Variants in VPS13B observed in about 807,000 individuals in gnomAD.
The protein encoded by VPS13B is intermembrane lipid transfer protein VPS13B.
VPS13B carries 285 observed loss-of-function variants against 426.4 expected under a neutral mutation model. The observed-to-expected ratio is 0.67, with a 90% CI of 0.61 to 0.74. The LOEUF is 0.74. VPS13B is among the 30% of genes least tolerant of loss of function. VPS13B has a pLI of 0.00. For synonymous variants in VPS13B, 1,676 were observed against 1,676.4 expected (o/e 1.00, Z 0.01); for missense variants, 4,537 against 4,782.6 (o/e 0.95, Z 1.51).
chr8:99,044,907 C>T (rs575256258), intron 3 of VPS13B, among the ~76,000 whole-genome samples: 240 of 151,454 alleles, frequency 1.6e-3, no homozygotes, highest in African/African-American at 5.6e-3. Context: ...CACCACCCCC[C>T]GCCCCCACGG....
At chr8:99,430,899 G>C (rs1378583946) in intron 21 of VPS13B, among the ~76,000 whole-genome samples, 1 of 152,078 alleles carries the variant, frequency 6.6e-6, no homozygotes, top group Non-Finnish European at 1.5e-5. Context: ...TGTAGTTTTA[G>C]TAGAGACGGG....
At chr8:99,839,745 G>A (rs1337839212) in intron 54 of VPS13B, among the ~76,000 whole-genome samples, 1 of 152,166 alleles carries the variant, frequency 6.6e-6, no homozygotes, top group Non-Finnish European at 1.5e-5. Context: ...TCTGATCTCC[G>A]CATTCACCTA....
chr8:99,421,803 G>A (rs778903264), intron 21 of VPS13B, among the ~76,000 whole-genome samples: 4 of 151,776 alleles, frequency 2.6e-5, no homozygotes, highest in Non-Finnish European at 5.9e-5. Context: ...TCAGCCTCCC[G>A]AGCAACTGGG....
intron 3 of VPS13B, among the ~76,000 whole-genome samples, chr8:99,050,839 G>T (rs1012927316): frequency 2.6e-5 from 4 of 152,208 alleles, no homozygotes; most frequent in African/African-American, 4.8e-5. Context: ...CTTCTTTTGA[G>T]AAGTGTCTGT....
intron 33 of VPS13B, among the ~76,000 whole-genome samples, chr8:99,640,077 A>AAAAG (rs1829286512): frequency 6.7e-6 from 1 of 149,074 alleles, no homozygotes; most frequent in Non-Finnish European, 1.5e-5. Flanking sequence ...AAAAGAAAAG[A>AAAAG]AAAGAAAAGA....
intron 3 of VPS13B, among the ~76,000 whole-genome samples, chr8:99,044,850 T>TTA (rs1843138667): frequency 5.1e-5 from 5 of 97,556 alleles, no homozygotes; most frequent in Non-Finnish European, 8.1e-5. Context: ...GTATTCCATT[T>TTA]TATACACACA....
At chr8:99,865,326 C>T (rs1321635104) in intron 58 of VPS13B, among the ~76,000 whole-genome samples, 2 of 152,224 alleles carry the variant, frequency 1.3e-5, no homozygotes, top group Non-Finnish European at 2.9e-5. Context: ...GATGCCTTCT[C>T]ATGAACACCA....
Position 99,853,885 on chromosome 8 carries a change from T to G in VPS13B, c.10496T>G (p.Phe3499Cys). Residue 3499 changes from phenylalanine to cysteine, a missense_variant, in exon 56 of 62, where the codon TTT becomes TGT. Phe to Cys is a radical substitution (Grantham distance 205). Coordinates refer to ENST00000357162, the MANE Select transcript of VPS13B (RefSeq NM_152564.5). ...CTCTGTGATATTAATGAGTTCAGCT[T>G]TGAATTAAAACCTGCTCGGTTATAC... ...SILCDINEFS[F>C]ELKPARLYVE... 6.2e-7 allele frequency: 1 copy of G among 1,614,214 alleles called. No individual in the cohort carries two copies. The highest frequency in any genetic ancestry group is 8.5e-7 in the Non-Finnish European group (1 of 1,180,038).
chr8:99,510,819 A>G (rs891527816), intron 28 of VPS13B, among the ~76,000 whole-genome samples: 3 of 152,050 alleles, frequency 2.0e-5, no homozygotes, highest in African/African-American at 4.8e-5. Context: ...CAAATTCTTA[A>G]TGTTACAGAA....
rs115450901 is a variant in VPS13B, at chr8:99,527,532, A to G, written c.4745+6522A>G. Among the ~76,000 whole-genome samples, 1,339 of 152,164 alleles carry G rather than the reference A, an allele frequency of 8.8e-3. 21 individuals carry two copies. The highest frequency in any genetic ancestry group is 0.029 in the African/African-American group (1,210 of 41,530). On this transcript the variant is annotated intron_variant, in intron 30 of 61. Coordinates refer to ENST00000357162, the MANE Select transcript of VPS13B (RefSeq NM_152564.5). ...TTTAAACTCAATCTGAGATTCTCCT[A>G]TTCTGTGATGTGTTCAACCATATCC...
chr8:99,399,304 G>A (rs770680804), intron 21 of VPS13B, among the ~76,000 whole-genome samples: 3 of 152,166 alleles, frequency 2.0e-5, no homozygotes, highest in Non-Finnish European at 4.4e-5. Context: ...AGTCTGCAGA[G>A]CTTAAAATGA....
intron 17 of VPS13B, among the ~76,000 whole-genome samples, chr8:99,248,814 C>T (rs757820090): frequency 1.3e-5 from 2 of 151,830 alleles, no homozygotes; most frequent in Non-Finnish European, 2.9e-5. Context: ...ATTTTCCCTC[C>T]CTCCCATCCC....
chr8:99,774,683 T>A (rs537602687), intron 40 of VPS13B, among the ~76,000 whole-genome samples: 2 of 152,160 alleles, frequency 1.3e-5, no homozygotes, highest in Non-Finnish European at 2.9e-5. Flanking sequence ...CTTACATGAG[T>A]AGTATAAGGG....
chr8:99,380,045 C>G (rs2133284627), intron 19 of VPS13B, among the ~76,000 whole-genome samples: 1 of 152,144 alleles, frequency 6.6e-6, no homozygotes, highest in African/African-American at 2.4e-5. Context: ...GGAAAATTCT[C>G]TTTCTTACAT....
At chr8:99,840,590 G>A (rs1815633127) in intron 54 of VPS13B, among the ~76,000 whole-genome samples, 1 of 152,176 alleles carries the variant, frequency 6.6e-6, no homozygotes, top group African/African-American at 2.4e-5. Context: ...CAATCAGCCA[G>A]ACTCCACTCT....
At chr8:99,335,084 G>T (rs1317806552) in intron 19 of VPS13B, among the ~76,000 whole-genome samples, 2 of 152,116 alleles carry the variant, frequency 1.3e-5, no homozygotes, top group African/African-American at 2.4e-5. Context: ...GTTTAGTCTT[G>T]GGAGGGTGCA....
At chr8:99,385,485 T>G (rs1814065560) in intron 20 of VPS13B, among the ~76,000 whole-genome samples, 1 of 152,168 alleles carries the variant, frequency 6.6e-6, no homozygotes, top group African/African-American at 2.4e-5. Flanking sequence ...TTTCTTCACT[T>G]TGTCCTAATT....
At chr8:99,518,122 T>C (rs1822185646) in intron 29 of VPS13B, among the ~76,000 whole-genome samples, 1 of 152,156 alleles carries the variant, frequency 6.6e-6, no homozygotes, top group Admixed American at 6.5e-5. Flanking sequence ...GCTTTGTATG[T>C]AACACCAAGT....
rs1190494017 is a variant in VPS13B at position 99,640,078 on chromosome 8, A to AG, written c.5221-1733_5221-1732insG. On this transcript the variant is annotated intron_variant, in intron 33 of 61. Coordinates refer to ENST00000357162, the MANE Select transcript of VPS13B (RefSeq NM_152564.5). ...AAAGAAAAGAAAAGAAAAGAAAAGA[A>AG]AAGAAAAGAAAAGAAAAGAAAAGAA... Among the ~76,000 whole-genome samples, 297 of 149,056 alleles carry AG rather than the reference A, an allele frequency of 2.0e-3. 4 individuals are homozygous for AG. Among genetic ancestry groups the AG allele is most frequent in the African/African-American group, 5.8e-3 (235 of 40,498 alleles).
Sources: allele counts gnomAD v4.1 joint callset (sites outside exome capture counted in the v4.1 genomes callset), GRCh38; gene constraint gnomAD v4.1.1; transcripts MANE v1.5; gene names NCBI Gene and HGNC (gene_info 2026-07-23, HGNC 2026-07-21).